The following ARAP2 variants were observed in gnomAD, a reference collection of about 807,000 sequenced individuals.
ARAP2 encodes the protein arf-GAP with Rho-GAP domain, ANK repeat and PH domain-containing protein 2.
A neutral mutation model predicts 194.5 loss-of-function variants in ARAP2; 148 were observed. The observed-to-expected ratio is 0.76, with a 90% CI of 0.67 to 0.87. The LOEUF is 0.87. Among genes scored for constraint, ARAP2 ranks in the 40% least tolerant of loss-of-function variants. ARAP2 has a pLI of 0.00. For missense variants in ARAP2, 2,128 were observed against 1,989.7 expected (o/e 1.07, Z -1.32); for synonymous variants, 695 against 683.5 (o/e 1.02, Z -0.26).
chr4:36,100,091 C>T (rs906605844), intron 27 of ARAP2, among the ~76,000 whole-genome samples: 2 of 151,972 alleles, frequency 1.3e-5, no homozygotes, highest in Non-Finnish European at 2.9e-5. Context: ...GACTATAATG[C>T]CTGTTTCTCC....
At chr4:36,169,954 A>T (rs1376498542) in intron 9 of ARAP2, among the ~76,000 whole-genome samples, 2 of 152,264 alleles carry the variant, frequency 1.3e-5, no homozygotes, top group Non-Finnish European at 2.9e-5. Context: ...TGCTCTTGAG[A>T]GCTATCATAT....
At chr4:36,221,081 T>C (rs1048050081) in intron 2 of ARAP2, among the ~76,000 whole-genome samples, 1 of 152,160 alleles carries the variant, frequency 6.6e-6, no homozygotes, top group African/African-American at 2.4e-5. Context: ...ATGTTTAGAT[T>C]TGTTTAAATT....
chr4:36,206,522 A>T (rs1745568503), intron 6 of ARAP2, among the ~76,000 whole-genome samples: 1 of 152,224 alleles, frequency 6.6e-6, no homozygotes, highest in African/African-American at 2.4e-5. Context: ...TAAAAATGCC[A>T]GTTAAAATCT....
At chr4:36,162,748 G>A (rs568667277) in intron 11 of ARAP2, among the ~76,000 whole-genome samples, 3 of 152,252 alleles carry the variant, frequency 2.0e-5, no homozygotes, top group South Asian at 4.1e-4. Flanking sequence ...CCTGTAGGAA[G>A]AGATGAAAGG....
chr4:36,065,164 CT>C, downstream of ARAP2: 1 of 315,548 alleles, frequency 3.2e-6, no homozygotes. Flanking sequence ...GTGGGAAGTT[CT>C]TACACACGGG....
chr4:36,098,142 C>A (rs1018576140), intron 27 of ARAP2, among the ~76,000 whole-genome samples: 2 of 151,998 alleles, frequency 1.3e-5, no homozygotes, highest in African/African-American at 4.8e-5. Flanking sequence ...GCCCCAAATT[C>A]CAACAGAATA....
At chr4:36,098,864 T>C (rs1282123248) in intron 27 of ARAP2, among the ~76,000 whole-genome samples, 1 of 152,088 alleles carries the variant, frequency 6.6e-6, no homozygotes, top group East Asian at 1.9e-4. Context: ...ACATCATATT[T>C]GCTTCATAAT....
intron 8 of ARAP2, among the ~76,000 whole-genome samples, chr4:36,185,699 G>A (rs2109883859): frequency 6.6e-6 from 1 of 152,092 alleles, no homozygotes; most frequent in Admixed American, 6.6e-5. Flanking sequence ...ATAATGGATG[G>A]GCGCAGTGGC....
chr4:36,065,109 G>A (rs1317077319), downstream of ARAP2: 4 of 244,698 alleles, frequency 1.6e-5, no homozygotes, highest in East Asian at 2.1e-4. Context: ...TAGGCCTAGC[G>A]AGACGTGAGC....
chr4:36,015,413 T>C (rs1432916877), exon 8 of ARAP2: 2 of 152,240 alleles, frequency 1.3e-5, no homozygotes, highest in Non-Finnish European at 1.5e-5. Context: ...ATTTGGGCTA[T>C]GCGCAGATAA....
At chr4:36,048,343 G>A (rs566475847) in intron 3 of ARAP2, among the ~76,000 whole-genome samples, 1 of 152,098 alleles carries the variant, frequency 6.6e-6, no homozygotes, top group South Asian at 2.1e-4. Flanking sequence ...CAAATAGGTA[G>A]TTTTTCAATA....
rs562085699 is a variant in ARAP2, at chr4:36,084,065, G to A, written c.4426-615C>T. Among the ~76,000 whole-genome samples, 3 of 152,138 alleles carry A rather than the reference G, an allele frequency of 2.0e-5. No individual in the cohort carries two copies. In the East Asian group the frequency reaches 5.8e-4, roughly 30 times the overall value. ...ACCAGCAGTTTACCAGGGGCTCTCG[G>A]CCTTCAGTCACAGATTGAAGGCTGC... On this transcript the variant is annotated intron_variant, in intron 28 of 32. Transcript: ENST00000303965.
At chr4:36,070,247 T>A (rs1242827702) in intron 32 of ARAP2, among the ~76,000 whole-genome samples, 1 of 152,154 alleles carries the variant, frequency 6.6e-6, no homozygotes, top group Non-Finnish European at 1.5e-5. Context: ...GAGGAAGAAT[T>A]TTGCATGAAT....
chr4:36,076,382 C>G (rs13103812), intron 31 of ARAP2, among the ~76,000 whole-genome samples: 71,536 of 151,786 alleles, frequency 0.47, 17,335 homozygotes, highest in Middle Eastern at 0.59. Context: ...TACACACTCC[C>G]CCATCTTAAA....
chr4:36,107,723 A>C, intron 26 of ARAP2, 30 bp from the exon 27 acceptor site: 1 of 1,568,812 alleles, frequency 6.4e-7, no homozygotes, highest in Non-Finnish European at 8.6e-7. Context: ...AATCAAATGG[A>C]AAATATATGA....
chr4:36,012,423 G>A (rs1039790104), intron 9 of ARAP2: 1 of 152,102 alleles, frequency 6.6e-6, no homozygotes, highest in African/African-American at 2.4e-5. Context: ...ACTTTACTTA[G>A]TGTTGAATGT....
intron 6 of ARAP2, among the ~76,000 whole-genome samples, chr4:36,205,824 C>T (rs559701577): frequency 4.6e-4 from 70 of 152,250 alleles, no homozygotes; most frequent in African/African-American, 1.6e-3. Context: ...AAGGAATTAA[C>T]CAGGTAATTT....
At chr4:36,230,110 T>C (rs1751149955) in intron 1 of ARAP2, among the ~76,000 whole-genome samples, 1 of 152,206 alleles carries the variant, frequency 6.6e-6, no homozygotes, top group Non-Finnish European at 1.5e-5. Flanking sequence ...GGGTTATCTT[T>C]TCTACTGGAC....
intron 1 of ARAP2, among the ~76,000 whole-genome samples, chr4:36,230,956 C>T (rs1162594870): frequency 6.6e-6 from 1 of 152,094 alleles, no homozygotes. Flanking sequence ...AATAAAAATA[C>T]AAAATAAATG....
Sources: gnomAD v4.1 joint callset for allele counts (sites outside exome capture counted in the v4.1 genomes callset) on GRCh38, gnomAD v4.1.1 for gene constraint, MANE v1.5 for transcripts, NCBI Gene and HGNC (gene_info 2026-07-23, HGNC 2026-07-21) for gene names.